Variants in PDE1C observed in about 807,000 individuals in gnomAD.
PDE1C encodes dual specificity calcium/calmodulin-dependent 3',5'-cyclic nucleotide phosphodiesterase 1C.
PDE1C carries 62 observed loss-of-function variants against 93.1 expected under a neutral mutation model. The ratio of observed to expected loss-of-function variants is 0.67; its 90% CI spans 0.54 to 0.82. The LOEUF (loss-of-function observed/expected upper bound fraction) is 0.82, where lower values mean the gene tolerates loss of function less well. Ranked by LOEUF, PDE1C falls within the 40% of genes least tolerant of loss-of-function variation. The pLI is 0.00. For missense variants in PDE1C, 742 were observed against 884.6 expected, an observed-to-expected ratio of 0.84 and a Z score of 2.04; for synonymous variants, 325 against 310.1, an observed-to-expected ratio of 1.05 and a Z score of -0.50.
chr7:31,750,014 G>A (rs1381861883), downstream of PDE1C, among the ~76,000 whole-genome samples: 3 of 152,078 alleles, frequency 2.0e-5, no homozygotes, highest in Non-Finnish European at 4.4e-5. Context: ...GGGATTACAG[G>A]CATGAGCCAC....
At chr7:31,929,227 A>G (rs1204661271) in intron 2 of PDE1C, among the ~76,000 whole-genome samples, 1 of 152,238 alleles carries the variant, frequency 6.6e-6, no homozygotes, top group Non-Finnish European at 1.5e-5. Flanking sequence ...CAATGCAACA[A>G]GAAGAGCTAA....
chr7:31,873,798 C>T (rs1236451808), intron 5 of PDE1C, among the ~76,000 whole-genome samples: 1 of 152,174 alleles, frequency 6.6e-6, no homozygotes, highest in African/African-American at 2.4e-5. Flanking sequence ...GAGATACAGG[C>T]AGGGCCAGAA....
chr7:32,385,548 G>T (rs891912627), intron 1 of PDE1C, among the ~76,000 whole-genome samples: 4 of 152,224 alleles, frequency 2.6e-5, no homozygotes, highest in Non-Finnish European at 5.9e-5. Context: ...GGAGAAGAGA[G>T]CTCTCTCACA....
the PDE1C span, chr7:31,642,840 G>A: frequency 1.9e-6 from 3 of 1,614,002 alleles, no homozygotes; most frequent in Non-Finnish European, 2.5e-6. Flanking sequence ...GCCAAGAAGC[G>A]AATGCCTTGG....
At chr7:32,014,384 G>A (rs572996646) in intron 2 of PDE1C, among the ~76,000 whole-genome samples, 9 of 152,130 alleles carry the variant, frequency 5.9e-5, no homozygotes, top group Non-Finnish European at 1.5e-5. Context: ...TTGTTTTAAC[G>A]CCCACAAATC....
the PDE1C span, among the ~76,000 whole-genome samples, chr7:31,744,210 A>G: frequency 6.0e-3 from 912 of 151,926 alleles, 2 homozygotes; most frequent in Non-Finnish European, 0.01. Context: ...CTCTCACACT[A>G]TTTCCCTGAG....
At chr7:32,097,693 A>C (rs1362510816) in intron 3 of PDE1C, among the ~76,000 whole-genome samples, 1 of 152,242 alleles carries the variant, frequency 6.6e-6, no homozygotes, top group East Asian at 1.9e-4. Context: ...AAAAGAAAAA[A>C]TGATGAAGCC....
chr7:31,881,468 T>C (rs113488643), intron 2 of PDE1C, among the ~76,000 whole-genome samples: 1 of 151,536 alleles, frequency 6.6e-6, no homozygotes, highest in African/African-American at 2.4e-5. Context: ...TTCCAGACTA[T>C]ACAAGAGAAG....
rs536079707 is a variant in PDE1C, at chr7:31,929,614, C to T, written c.129-48754G>A. Among the ~76,000 whole-genome samples the T allele has an allele frequency of 1.6e-4, 25 of 152,286 alleles. No individual in the cohort carries two copies. The South Asian group carries it at 5.2e-3, about 32-fold the overall frequency. On this transcript the variant is annotated intron_variant, in intron 2 of 17. Transcript: ENST00000396191. ...AGACAACAGTGCAATCAAATTAGAA[C>T]TCAGGATTAAGAAACTCACTCAAAA...
downstream of PDE1C, among the ~76,000 whole-genome samples, chr7:31,748,068 C>G (rs904058294): frequency 3.3e-5 from 5 of 152,112 alleles, no homozygotes; most frequent in Non-Finnish European, 7.3e-5. Flanking sequence ...TATTCTTATC[C>G]TCCCTTTCAA....
intron 1 of PDE1C, among the ~76,000 whole-genome samples, chr7:32,389,219 T>C (rs1395665755): frequency 1.3e-5 from 2 of 150,770 alleles, no homozygotes; most frequent in African/African-American, 2.4e-5. Flanking sequence ...TGTTTGTTTG[T>C]TTGTTTGTTT....
chr7:32,418,208 C>G (rs530926398), intron 1 of PDE1C, among the ~76,000 whole-genome samples: 1 of 151,786 alleles, frequency 6.6e-6, no homozygotes, highest in South Asian at 2.1e-4. Flanking sequence ...TATTTCTTTC[C>G]ATGGCAGTAG....
At chr7:31,623,023 C>G in the PDE1C span, among the ~76,000 whole-genome samples, 57 of 152,210 alleles carry the variant, frequency 3.7e-4, no homozygotes, top group Middle Eastern at 3.4e-3. Flanking sequence ...ATAAATTCCT[C>G]AACACATACA....
chr7:31,727,947 G>C, the PDE1C span, among the ~76,000 whole-genome samples: 1 of 152,154 alleles, frequency 6.6e-6, no homozygotes, highest in African/African-American at 2.4e-5. Flanking sequence ...GGGAGGCTGA[G>C]GCAGGAGAAT....
chr7:31,888,719 A>C (rs967304029), intron 2 of PDE1C, among the ~76,000 whole-genome samples: 1 of 152,152 alleles, frequency 6.6e-6, no homozygotes, highest in East Asian at 1.9e-4. Flanking sequence ...GAATTGTATC[A>C]GAGTAATTGA....
At chr7:32,201,483 T>C (rs762586630) in intron 2 of PDE1C, among the ~76,000 whole-genome samples, 3 of 152,128 alleles carry the variant, frequency 2.0e-5, no homozygotes, top group Non-Finnish European at 4.4e-5. Context: ...AGCATTCCCA[T>C]TAAGGGAGCA....
At chr7:31,992,628 C>A (rs961757805) in intron 2 of PDE1C, among the ~76,000 whole-genome samples, 51 of 152,182 alleles carry the variant, frequency 3.4e-4, no homozygotes, top group African/African-American at 1.2e-3. Context: ...AGTACAGCAA[C>A]CCTAAGTCAA....
intron 1 of PDE1C, among the ~76,000 whole-genome samples, chr7:32,425,000 G>C (rs1487872439): frequency 6.6e-6 from 1 of 151,998 alleles, no homozygotes; most frequent in South Asian, 2.1e-4. Flanking sequence ...ACCTCTATAT[G>C]CCTTAATGTC....
intron 3 of PDE1C, among the ~76,000 whole-genome samples, chr7:32,163,805 T>C (rs1802059397): frequency 6.6e-6 from 1 of 152,104 alleles, no homozygotes. Context: ...AGGGCTCATA[T>C]TCCCTGGCTG....
Sources: allele counts gnomAD v4.1 joint callset (sites outside exome capture counted in the v4.1 genomes callset), GRCh38; gene constraint gnomAD v4.1.1; transcripts MANE v1.5; gene names NCBI Gene and HGNC (gene_info 2026-07-23, HGNC 2026-07-21).